RERG: variants seen among roughly 807,000 people sequenced by gnomAD.
The protein encoded by RERG is ras-related and estrogen-regulated growth inhibitor.
Under a neutral mutation model 23.2 loss-of-function variants are expected in RERG, and 25 were observed. The observed-to-expected ratio is 1.08, with a 90% CI of 0.79 to 1.50. The LOEUF (loss-of-function observed/expected upper bound fraction) is 1.50. Ranked by LOEUF, RERG falls within the 40% of genes most tolerant of loss-of-function variation. The probability of loss-of-function intolerance (pLI) is 0.00; values close to 1 mark genes in which losing one functional copy is unlikely to be tolerated. For synonymous variants in RERG, 81 were observed against 89.1 expected, an observed-to-expected ratio of 0.91 and a Z score of 0.51; for missense variants, 253 against 250.1, an observed-to-expected ratio of 1.01 and a Z score of -0.08.
At chr12:15,158,108 G>A (rs1307176777) in intron 2 of RERG, among the ~76,000 whole-genome samples, 1 of 152,030 alleles carries the variant, frequency 6.6e-6, no homozygotes, top group Admixed American at 6.5e-5. Context: ...TTAACATGAT[G>A]CAATGACATT....
intron 2 of RERG, among the ~76,000 whole-genome samples, chr12:15,129,919 G>A (rs1241269974): frequency 6.6e-6 from 1 of 152,154 alleles, no homozygotes; most frequent in African/African-American, 2.4e-5. Context: ...TAAATGGACA[G>A]TGAGGGAGAG....
intron 2 of RERG, among the ~76,000 whole-genome samples, chr12:15,130,684 T>C (rs1342853827): frequency 9.2e-5 from 14 of 152,196 alleles, no homozygotes; most frequent in Admixed American, 9.2e-4. Flanking sequence ...AGTAAATTAG[T>C]TCCAGATGGG....
intron 2 of RERG, among the ~76,000 whole-genome samples, chr12:15,178,955 T>C (rs1477071565): frequency 6.6e-6 from 1 of 152,228 alleles, no homozygotes; most frequent in Non-Finnish European, 1.5e-5. Flanking sequence ...GTCAATACTT[T>C]GTATTGAAAT....
intron 2 of RERG, among the ~76,000 whole-genome samples, chr12:15,191,790 G>T (rs1865075008): frequency 3.9e-5 from 6 of 152,036 alleles, no homozygotes; most frequent in Admixed American, 3.9e-4. Flanking sequence ...GACCTCTGAT[G>T]CCTGCAAGCC....
intron 3 of RERG, chr12:15,114,727 A>G (rs1218614823): frequency 6.6e-6 from 1 of 152,186 alleles, no homozygotes; most frequent in Non-Finnish European, 1.5e-5. Flanking sequence ...TGCACTAGAA[A>G]AAACCTGGTC....
In RERG at chr12:15,108,813, A is replaced by G; in HGVS notation, c.*297T>C. 1 of 270,906 alleles carries G rather than the reference A, an allele frequency of 3.7e-6. No individual in the cohort carries two copies. The highest frequency in any genetic ancestry group is 6.9e-6 in the Non-Finnish European group (1 of 145,860). The allele number at this position is 270,906 out of a possible 1,614,324, so 16.8% of individuals were successfully genotyped here. A position where few individuals can be genotyped will look rare whatever the true frequency, so the allele number is the denominator to read the frequency against. On this transcript the variant is annotated 3_prime_UTR_variant, in exon 5 of 5. Coordinates refer to ENST00000256953, the MANE Select transcript of RERG (RefSeq NM_032918.3). ...GCAAAAACTTCAACCTACTTAAAGC[A>G]AGGTGAAGATGCCTAAAAATAGCTT...
chr12:15,205,737 G>T (rs1464790778), intron 2 of RERG, among the ~76,000 whole-genome samples: 2 of 151,960 alleles, frequency 1.3e-5, no homozygotes, highest in Non-Finnish European at 2.9e-5. Flanking sequence ...AAACAAGAAA[G>T]AACTTTTTAA....
Position 15,109,234 on chromosome 12 carries a change from A to G in RERG, c.476T>C (p.Ile159Thr). Residue 159 changes from isoleucine to threonine, a missense_variant, in exon 5 of 5, where the codon ATA (isoleucine) becomes ACA (threonine). Coordinates refer to ENST00000256953, the MANE Select transcript of RERG (RefSeq NM_032918.3). ...ACTGEGNITE[I>T]FYELCREVRR... is the part of the protein sequence containing the mutation. Reference sequence around the variant, plus strand: ...CACCTCTCGACACAATTCATAGAATATCTCTGTGATGTTCCCTTCTCCAGT... The same window carrying G: ...CACCTCTCGACACAATTCATAGAATGTCTCTGTGATGTTCCCTTCTCCAGT... The G allele has an allele frequency of 6.2e-7, 1 of 1,614,110 alleles. No individual in the cohort carries two copies. Among genetic ancestry groups the G allele is most frequent in the African/African-American group, 1.3e-5 (1 of 75,016 alleles).
intron 2 of RERG, among the ~76,000 whole-genome samples, chr12:15,173,529 G>T (rs1864804979): frequency 6.6e-6 from 1 of 151,706 alleles, no homozygotes. Context: ...ATTTTTATAG[G>T]GATTGCAATG....
At chr12:15,168,314 CGA>C (rs1326591049) in intron 2 of RERG, among the ~76,000 whole-genome samples, 4 of 152,146 alleles carry the variant, frequency 2.6e-5, no homozygotes, top group Non-Finnish European at 5.9e-5. Flanking sequence ...AACACAACAG[CGA>C]GAGAGTTCTG....
At chr12:15,121,216 T>C in intron 2 of RERG, 97 bp from the exon 3 acceptor site, 2 of 804,466 alleles carry the variant, frequency 2.5e-6, no homozygotes, top group South Asian at 1.6e-5. Flanking sequence ...CACAACCCTA[T>C]AAATGCTTTA....
In RERG at chr12:15,161,726, G is replaced by T. The variant is rs112398824; in HGVS notation, c.62-40607C>A. 6.1e-4 allele frequency among the ~76,000 whole-genome samples: 93 copies of T among 152,118 alleles called. 2 individuals are homozygous for T. Among genetic ancestry groups the T allele is most frequent in the African/African-American group, 2.2e-3 (91 of 41,486 alleles). On this transcript the variant is annotated intron_variant, in intron 2 of 4. Transcript: ENST00000256953. ...TCTGCCTTCATGCAGCTTACTATCT[G>T]GTGGTAAAGATATATAACTAAGGAA... is the stretch of plus-strand genomic sequence containing the variant.
intron 1 of RERG, among the ~76,000 whole-genome samples, chr12:15,220,487 C>T (rs1865498104): frequency 6.6e-6 from 1 of 152,218 alleles, no homozygotes. Context: ...GAAGAGCTTA[C>T]ACTCTGTTAG....
At chr12:15,195,551 C>CTCTGTG (rs1346436862) in intron 2 of RERG, among the ~76,000 whole-genome samples, 2 of 128,228 alleles carry the variant, frequency 1.6e-5, no homozygotes, top group African/African-American at 6.0e-5. Context: ...GCAAGCTTGG[C>CTCTGTG]TGTGTGTGTG....
chr12:15,140,824 A>G (rs1197290239), intron 2 of RERG, among the ~76,000 whole-genome samples: 2 of 151,872 alleles, frequency 1.3e-5, no homozygotes, highest in African/African-American at 4.8e-5. Context: ...GCTGCTTTCA[A>G]TATGTTTTTA....
At chr12:15,132,936 C>G (rs1864074611) in intron 2 of RERG, among the ~76,000 whole-genome samples, 2 of 151,566 alleles carry the variant, frequency 1.3e-5, no homozygotes, top group Non-Finnish European at 2.9e-5. Context: ...CAAAATTGAT[C>G]AGAAAGCACA....
intron 2 of RERG, among the ~76,000 whole-genome samples, chr12:15,192,734 C>A (rs1432071719): frequency 2.0e-5 from 3 of 152,112 alleles, no homozygotes; most frequent in African/African-American, 7.2e-5. Flanking sequence ...CCTTGGCTTT[C>A]TGTAATCTGT....
intron 3 of RERG, among the ~76,000 whole-genome samples, chr12:15,113,005 GAT>G (rs1275478694): frequency 6.6e-6 from 1 of 152,222 alleles, no homozygotes; most frequent in East Asian, 1.9e-4. Flanking sequence ...CCTACAAAAA[GAT>G]ATGACTCAGA....
intron 2 of RERG, among the ~76,000 whole-genome samples, chr12:15,150,041 C>T (rs1228446393): frequency 2.0e-5 from 3 of 152,216 alleles, no homozygotes; most frequent in Admixed American, 6.5e-5. Context: ...GGTCTGTGAA[C>T]CCCCCTGAAG....
Sources: allele counts gnomAD v4.1 joint callset (sites outside exome capture counted in the v4.1 genomes callset), GRCh38; gene constraint gnomAD v4.1.1; transcripts MANE v1.5; gene names NCBI Gene and HGNC (gene_info 2026-07-23, HGNC 2026-07-21).